The following SGCZ variants were observed in gnomAD, a reference collection of about 807,000 sequenced individuals.
The protein encoded by SGCZ is zeta-sarcoglycan.
SGCZ carries 40 observed loss-of-function variants against 41.3 expected under a neutral mutation model. The ratio of observed to expected loss-of-function variants is 0.97; its 90% confidence interval spans 0.75 to 1.26. The LOEUF is 1.26. Ranked by LOEUF, SGCZ falls within the 50% of genes most tolerant of loss-of-function variation. SGCZ has a pLI of 0.00. For missense variants in SGCZ, 552 were observed against 369.8 expected (o/e 1.49, Z -4.04); for synonymous variants, 206 against 137.5 (o/e 1.50, Z -3.49).
intron 1 of SGCZ, among the ~76,000 whole-genome samples, chr8:14,855,769 A>G (rs1351826970): frequency 2.0e-5 from 3 of 152,190 alleles, no homozygotes; most frequent in Non-Finnish European, 4.4e-5. Context: ...CATGCCCGGT[A>G]ACATAATAGT....
rs902018467 is a variant in SGCZ, at chr8:14,085,757, T to C, written c.*4686A>G. On this transcript the variant is annotated 3_prime_UTR_variant, in exon 8 of 8. Transcript: ENST00000382080. ...AAAGAAAAGTGGACCACACTAATGA[T>C]GTTTCCCTTCTGAAACAAAAGCATT... Among the ~76,000 whole-genome samples, 1 of 151,826 alleles carries C rather than the reference T, an allele frequency of 6.6e-6. No homozygotes were observed. Among genetic ancestry groups the C allele is most frequent in the African/African-American group, 2.4e-5 (1 of 41,428 alleles).
At chr8:14,172,078 C>T (rs1824742) in intron 4 of SGCZ, among the ~76,000 whole-genome samples, 103,949 of 151,988 alleles carry the variant, frequency 0.68, 38,392 homozygotes, top group East Asian at 0.85. Context: ...CACAGAAAGT[C>T]TGGTTTCTGA....
At chr8:14,663,415 C>G (rs1226346303) in intron 1 of SGCZ, among the ~76,000 whole-genome samples, 1 of 152,144 alleles carries the variant, frequency 6.6e-6, no homozygotes, top group East Asian at 1.9e-4. Flanking sequence ...ATGTATGCAA[C>G]TAATTATGTC....
intron 1 of SGCZ, among the ~76,000 whole-genome samples, chr8:14,681,901 G>C (rs1430791910): frequency 1.3e-5 from 2 of 151,932 alleles, no homozygotes; most frequent in African/African-American, 4.8e-5. Context: ...CACATTTATA[G>C]CTAATGTTTG....
intron 2 of SGCZ, among the ~76,000 whole-genome samples, chr8:14,450,043 G>A (rs1017516828): frequency 2.6e-5 from 4 of 152,144 alleles, no homozygotes; most frequent in African/African-American, 7.2e-5. Flanking sequence ...GAAAAAAACT[G>A]TGAAAGTGAA....
chr8:14,817,803 C>G (rs1262190707), intron 1 of SGCZ, among the ~76,000 whole-genome samples: 1 of 152,176 alleles, frequency 6.6e-6, no homozygotes, highest in African/African-American at 2.4e-5. Context: ...GGCAAACCAG[C>G]ACACAGCTAC....
chr8:14,760,828 G>C (rs1489163327), intron 1 of SGCZ, among the ~76,000 whole-genome samples: 1 of 152,120 alleles, frequency 6.6e-6, no homozygotes, highest in Non-Finnish European at 1.5e-5. Flanking sequence ...TTGTTCATTT[G>C]AAATTCTAAA....
chr8:14,443,744 G>C (rs1800344824), intron 2 of SGCZ, among the ~76,000 whole-genome samples: 1 of 152,068 alleles, frequency 6.6e-6, no homozygotes, highest in African/African-American at 2.4e-5. Context: ...TCAGGACATA[G>C]GCATAGGCAA....
chr8:14,373,051 GAGA>G (rs1271521957), intron 2 of SGCZ, among the ~76,000 whole-genome samples: 1 of 152,136 alleles, frequency 6.6e-6, no homozygotes, highest in Non-Finnish European at 1.5e-5. Context: ...AGAACAGAAG[GAGA>G]AGATCAGTCA....
intron 4 of SGCZ, among the ~76,000 whole-genome samples, chr8:14,172,158 A>G (rs1285580551): frequency 1.3e-5 from 2 of 152,160 alleles, no homozygotes; most frequent in Admixed American, 1.3e-4. Context: ...TGTTTTATGC[A>G]AGAGAATAAT....
chr8:15,199,329 A>G (rs1481543194), intron 1 of SGCZ, among the ~76,000 whole-genome samples: 2 of 152,250 alleles, frequency 1.3e-5, no homozygotes, highest in African/African-American at 4.8e-5. Context: ...CTTTCAGTCT[A>G]GACCATAGAA....
rs568653926 is a variant in SGCZ, at chr8:14,440,872, C to T, written c.234+113860G>A. On this transcript the variant is annotated intron_variant, in intron 2 of 7. Transcript: ENST00000382080. ...ATATGTACACACACACACACACACA[C>T]GCACACACATACATGAGTAAGACTA... Among the ~76,000 whole-genome samples, 160 of 150,980 alleles carry T rather than the reference C, an allele frequency of 1.1e-3. 1 individual carries two copies. The highest frequency in any genetic ancestry group is 3.3e-3 in the Admixed American group (50 of 15,154).
intron 4 of SGCZ, among the ~76,000 whole-genome samples, chr8:14,226,376 T>A (rs779844356): frequency 6.6e-6 from 1 of 152,080 alleles, no homozygotes; most frequent in Non-Finnish European, 1.5e-5. Context: ...TCTCTTGTGC[T>A]ATCGCTTTGT....
At chr8:14,239,248 AACACACACACACACACAC>A (rs36209114) in intron 3 of SGCZ, among the ~76,000 whole-genome samples, 4 of 149,262 alleles carry the variant, frequency 2.7e-5, no homozygotes, top group African/African-American at 7.4e-5. Flanking sequence ...TTCATACATG[AACACACACACACACACAC>A]ACACACACAC....
At chr8:14,717,033 C>T (rs191891416) in intron 1 of SGCZ, among the ~76,000 whole-genome samples, 208 of 152,062 alleles carry the variant, frequency 1.4e-3, no homozygotes, top group African/African-American at 4.8e-3. Context: ...CACTGAGAAA[C>T]TACATTTTTG....
chr8:14,323,226 A>C (rs981272779), intron 3 of SGCZ, among the ~76,000 whole-genome samples: 2 of 152,116 alleles, frequency 1.3e-5, no homozygotes, highest in Non-Finnish European at 2.9e-5. Context: ...CTTTAATACA[A>C]ATTATTTAAA....
chr8:14,117,924 T>TTTTTTTTTTTTTTTTTTTTTTTTTG (rs1263259333), intron 5 of SGCZ, among the ~76,000 whole-genome samples: 3 of 150,876 alleles, frequency 2.0e-5, no homozygotes, highest in Non-Finnish European at 4.4e-5. Flanking sequence ...TCATCCTTTT[T>TTTTTTTTTTTTTTTTTTTTTTTTTG]ATGGTTGCTT....
intron 1 of SGCZ, among the ~76,000 whole-genome samples, chr8:14,951,674 A>G (rs914933979): frequency 2.6e-5 from 4 of 152,104 alleles, no homozygotes; most frequent in African/African-American, 9.6e-5. Context: ...CAATGATCAA[A>G]TGATTAAAGA....
intron 2 of SGCZ, among the ~76,000 whole-genome samples, chr8:14,545,773 C>A (rs1298385659): frequency 2.0e-5 from 3 of 152,100 alleles, no homozygotes; most frequent in Admixed American, 6.5e-5. Flanking sequence ...TATCAACTAA[C>A]AAGTCTCTAA....
Sources: gnomAD v4.1 joint callset for allele counts (sites outside exome capture counted in the v4.1 genomes callset) on GRCh38, gnomAD v4.1.1 for gene constraint, MANE v1.5 for transcripts, NCBI Gene and HGNC (gene_info 2026-07-23, HGNC 2026-07-21) for gene names.